The following KCNS2 variants were observed in gnomAD, a reference collection of about 807,000 sequenced individuals.
KCNS2 encodes the protein potassium voltage-gated channel modifier subfamily S member 2, also known as delayed-rectifier potassium channel regulatory subunit KCNS2.
A neutral mutation model predicts 28.3 loss-of-function variants in KCNS2; 15 were observed. That is an observed-to-expected ratio of 0.53 (90% CI 0.35 to 0.82). The LOEUF is 0.82. KCNS2 is among the 40% of genes least tolerant of loss of function. The pLI is 0.01. For missense variants in KCNS2, 501 were observed against 617.1 expected (o/e 0.81, Z 1.99); for synonymous variants, 254 against 256.7 (o/e 0.99, Z 0.10).
rs952906352 is a variant in KCNS2 at position 98,432,759 on chromosome 8, A to T, written c.*3346A>T. 1 of 167,040 alleles carries T rather than the reference A, an allele frequency of 6.0e-6. No individual in the cohort carries two copies. The highest frequency in any genetic ancestry group is 1.5e-5 in the Non-Finnish European group (1 of 68,122). 10.3% of individuals were successfully genotyped at this position (167,040 alleles called of 1,614,324 possible). On this transcript the variant is annotated 3_prime_UTR_variant, in exon 2 of 2. Transcript: ENST00000287042. ...ACAGCATGACTTCTTACAGAGCTGTAATTTTTAAAATTGAGGATGCCATAT... is the reference window on the plus strand; with the variant it reads ...ACAGCATGACTTCTTACAGAGCTGTTATTTTTAAAATTGAGGATGCCATAT...
In KCNS2 at chr8:98,428,534, G is replaced by A. The variant is rs751798846; in HGVS notation, c.555G>A (p.Leu185=). 1 of 1,614,168 alleles carries A rather than the reference G, an allele frequency of 6.2e-7. No individual in the cohort carries two copies. The highest frequency in any genetic ancestry group is 8.5e-7 in the Non-Finnish European group (1 of 1,180,032). Residue 185 remains leucine, a synonymous_variant, in exon 2 of 2, where the codon CTG becomes CTA. Coordinates refer to ENST00000287042, the MANE Select transcript of KCNS2 (RefSeq NM_020697.4). The surrounding 1 kb of genome is among the most constrained non-coding windows in gnomAD (Gnocchi z 6.7). ...LALDNPGYSV[L]SRVFSILSIL... ...TGGACAACCCCGGCTACTCAGTGCT[G>A]AGCAGGGTCTTCAGCATCCTGTCCA...
intron 1 of KCNS2, 92 bp from the exon 2 acceptor site, chr8:98,427,846 C>A: frequency 1.4e-6 from 1 of 695,796 alleles, no homozygotes; most frequent in Non-Finnish European, 2.4e-6. Context: ...CAAGACCCAC[C>A]AGGAGGCCTG....
intron 1 of KCNS2, 190 bp from the exon 2 acceptor site, chr8:98,427,748 G>A: frequency 2.0e-6 from 1 of 492,188 alleles, no homozygotes; most frequent in Non-Finnish European, 3.6e-6. Flanking sequence ...GGGTGGAGCT[G>A]TGCTAATAGA....
rs973219327 is a variant in KCNS2, at chr8:98,430,812, G to A, written c.*1399G>A. On this transcript the variant is annotated 3_prime_UTR_variant, in exon 2 of 2. Transcript: ENST00000287042. ...AGTTCATAAAATGTCATAAAAAATT[G>A]TAAACTTGAAAAGCTTAATGCTATT... is the stretch of plus-strand genomic sequence containing the variant. The A allele has an allele frequency of 6.0e-6, 1 of 167,036 alleles. No individual in the cohort carries two copies. The highest frequency in any genetic ancestry group is 6.5e-5 in the Admixed American group (1 of 15,284). 10.3% of individuals were successfully genotyped at this position (167,036 alleles called of 1,614,324 possible).
At position 98,428,668 on chromosome 8, in the gene KCNS2, T is replaced by C. The variant is rs1346414153; in HGVS notation, c.689T>C (p.Val230Ala). 6.2e-7 allele frequency: 1 copy of C among 1,614,170 alleles called. No homozygotes were observed. The highest frequency in any genetic ancestry group is 8.5e-7 in the Non-Finnish European group (1 of 1,180,034). Residue 230 changes from valine to alanine, a missense_variant, in exon 2 of 2, where the codon GTG (valine) becomes GCG (alanine). By Grantham distance (64) the Val-to-Ala change is moderately conservative. Transcript: ENST00000287042. The surrounding 1 kb of genome is among the most constrained non-coding windows in gnomAD (Gnocchi z 6.7). ...GGCGAGGACCCTAGGTTCGAAATCGTGGAGCACTTTGGCATTGCCTGGTTC... is the reference window on the plus strand; with the variant it reads ...GGCGAGGACCCTAGGTTCGAAATCGCGGAGCACTTTGGCATTGCCTGGTTC... ...NPGEDPRFEI[V>A]EHFGIAWFTF...
In KCNS2 at chr8:98,429,545, C is replaced by A; in HGVS notation, c.*132C>A. 1 of 648,024 alleles carries A rather than the reference C, an allele frequency of 1.5e-6. No homozygotes were observed. The highest frequency in any genetic ancestry group is 2.7e-6 in the Non-Finnish European group (1 of 372,662). The allele number at this position is 648,024 out of a possible 1,614,324, so 40.1% of individuals were successfully genotyped here. A position where few individuals can be genotyped will look rare whatever the true frequency, so the allele number is the denominator to read the frequency against. ...TGAGGGGAGAGATGCATGGGATATG[C>A]ACCCAGGTTTCTTTTACAGTTTTTA... On this transcript the variant is annotated 3_prime_UTR_variant, in exon 2 of 2. Transcript: ENST00000287042.
chr8:98,427,897 G>T lies in KCNS2; in HGVS notation c.-42-41G>T. Reference sequence around the variant, plus strand: ...GGTAGGGAGAGGGGGCCCCGCCAGGGCGCACGGCGCTCTCGCCGACGCTGT... The same window carrying T: ...GGTAGGGAGAGGGGGCCCCGCCAGGTCGCACGGCGCTCTCGCCGACGCTGT... On this transcript the variant is annotated intron_variant, in intron 1 of 1. Coordinates refer to ENST00000287042, the MANE Select transcript of KCNS2 (RefSeq NM_020697.4). 3 of 1,239,394 alleles carry T rather than the reference G, an allele frequency of 2.4e-6. No individual in the cohort carries two copies. In the South Asian group the frequency reaches 4.7e-5, roughly 19 times the overall value. The allele number at this position is 1,239,394 out of a possible 1,614,324, so 76.8% of individuals were successfully genotyped here.
chr8:98,429,962 G>C lies in KCNS2; in HGVS notation c.*549G>C, dbSNP rs1818305379. ...AACAAAGAGAATGCAAAGTTAAGCA[G>C]ACTTGACCAATGCAAGTCTCTAAGT... On this transcript the variant is annotated 3_prime_UTR_variant, in exon 2 of 2. Coordinates refer to ENST00000287042, the MANE Select transcript of KCNS2 (RefSeq NM_020697.4). The C allele has an allele frequency of 6.0e-6, 1 of 167,560 alleles. No individual in the cohort carries two copies. The highest frequency in any genetic ancestry group is 6.5e-5 in the Admixed American group (1 of 15,354). The allele number at this position is 167,560 out of a possible 1,614,324, so 10.4% of individuals were successfully genotyped here.
At position 98,429,222 on chromosome 8, in the gene KCNS2, C is replaced by A. The variant is rs1818293485; in HGVS notation, c.1243C>A (p.His415Asn). 1 of 1,614,056 alleles carries A rather than the reference C, an allele frequency of 6.2e-7. No homozygotes were observed. Among genetic ancestry groups the A allele is most frequent in the Non-Finnish European group, 8.5e-7 (1 of 1,180,038 alleles). Residue 415 changes from histidine to asparagine, a missense_variant, in exon 2 of 2, where the codon CAC becomes AAC. Physicochemically the swap from His to Asn is moderately conservative, Grantham distance 68. Coordinates refer to ENST00000287042, the MANE Select transcript of KCNS2 (RefSeq NM_020697.4). ...CACCTTGATCTTCAATAAGTTCTCC[C>A]ACTTTTACCGGCGCCAAAAGCAACT... Reference protein sequence around the residue: ...PITLIFNKFSHFYRRQKQLES... With the variant: ...PITLIFNKFSNFYRRQKQLES...
rs1694975770 is a variant in KCNS2, at chr8:98,432,073, A to C, written c.*2660A>C. On this transcript the variant is annotated 3_prime_UTR_variant, in exon 2 of 2. Coordinates refer to ENST00000287042, the MANE Select transcript of KCNS2 (RefSeq NM_020697.4). ...TCTTCCTCTCCCCTAAAGTCTCACTAAGGTTTGAAGTTTACAGGTGCTCTC... is the reference window on the plus strand; with the variant it reads ...TCTTCCTCTCCCCTAAAGTCTCACTCAGGTTTGAAGTTTACAGGTGCTCTC... The C allele has an allele frequency of 6.0e-6, 1 of 167,020 alleles. No homozygotes were observed. Among genetic ancestry groups the C allele is most frequent in the Admixed American group, 6.5e-5 (1 of 15,286 alleles). The allele number at this position is 167,020 out of a possible 1,614,324, so 10.3% of individuals were successfully genotyped here.
At position 98,431,907 on chromosome 8, in the gene KCNS2, A is replaced by G. The variant is rs1818339562; in HGVS notation, c.*2494A>G. The G allele has an allele frequency of 6.0e-6, 1 of 167,084 alleles. No individual in the cohort carries two copies. The highest frequency in any genetic ancestry group is 6.5e-5 in the Admixed American group (1 of 15,278). 10.4% of individuals were successfully genotyped at this position (167,084 alleles called of 1,614,324 possible). On this transcript the variant is annotated 3_prime_UTR_variant, in exon 2 of 2. Transcript: ENST00000287042. ...CCAACTGGACCTTTACTCACTTCTG[A>G]GCATGAGAATGTCCCAATAGCATTG...
In KCNS2 at chr8:98,429,841, T is replaced by A; in HGVS notation, c.*428T>A. The A allele has an allele frequency of 5.7e-6, 1 of 175,852 alleles. No individual in the cohort carries two copies. The highest frequency in any genetic ancestry group is 2.0e-4 in the South Asian group (1 of 5,122). The allele number at this position is 175,852 out of a possible 1,614,324, so 10.9% of individuals were successfully genotyped here. On this transcript the variant is annotated 3_prime_UTR_variant, in exon 2 of 2. Coordinates refer to ENST00000287042, the MANE Select transcript of KCNS2 (RefSeq NM_020697.4). ...AAGTCGTCCAGTAGAAATGCATCTATGAGGTCAGCAAGGATATGATGAGAT... is the reference window on the plus strand; with the variant it reads ...AAGTCGTCCAGTAGAAATGCATCTAAGAGGTCAGCAAGGATATGATGAGAT...
Position 98,429,152 on chromosome 8 carries a change from C to T in KCNS2, c.1173C>T (p.Ala391=), listed in dbSNP as rs762794142. The T allele has an allele frequency of 6.2e-7, 1 of 1,613,554 alleles. No individual in the cohort carries two copies. The highest frequency in any genetic ancestry group is 1.1e-5 in the South Asian group (1 of 91,042). The change falls in exon 2 of 2, where the codon GCC becomes GCT. Residue 391 remains alanine, a synonymous_variant. Coordinates refer to ENST00000287042, the MANE Select transcript of KCNS2 (RefSeq NM_020697.4). ...GGACCACGGCAGGAAAGCTGACTGCCTCTGCCTGCATCTTGGCAGGCATCC... is the reference window on the plus strand; with the variant it reads ...GGACCACGGCAGGAAAGCTGACTGCTTCTGCCTGCATCTTGGCAGGCATCC... ...VPGTTAGKLT[A]SACILAGILV...
In KCNS2 at chr8:98,428,037, C is replaced by G; in HGVS notation, c.58C>G (p.Arg20Gly). Residue 20 changes from arginine (R) to glycine (G), a missense_variant, in exon 2 of 2, where the codon CGC (arginine) becomes GGC (glycine). Physicochemically the swap from Arg to Gly is moderately radical, Grantham distance 125. Transcript: ENST00000287042. This position sits in a 1 kb window ranked among gnomAD's most constrained non-coding sequence, Gnocchi z 6.7. ...GGCTAACGTCGAGGACGGGGAGATC[C>G]GCATCAATGTGGGCGGCTTCAAGAG... is the stretch of plus-strand genomic sequence containing the variant. ...SEANVEDGEI[R>G]INVGGFKRRL... 1 of 1,608,718 alleles carries G rather than the reference C, an allele frequency of 6.2e-7. No homozygotes were observed. The highest frequency in any genetic ancestry group is 8.5e-7 in the Non-Finnish European group (1 of 1,177,094).
At position 98,428,420 on chromosome 8, in the gene KCNS2, C is replaced by T. The variant is rs1376061902; in HGVS notation, c.441C>T (p.Ser147=). ...GTGACCAGGAGAGCACCACGTCTTC[C>T]TTCGATGAGATCCTTGCCTTCTACA... ...EQSDQESTTS[S]FDEILAFYND... The change falls in exon 2 of 2, where the codon TCC becomes TCT. Residue 147 remains serine (S), a synonymous_variant. Transcript: ENST00000287042. This position sits in a 1 kb window ranked among gnomAD's most constrained non-coding sequence, Gnocchi z 6.7. 5 of 1,614,174 alleles carry T rather than the reference C, an allele frequency of 3.1e-6. No homozygotes were observed. The highest frequency in any genetic ancestry group is 4.2e-6 in the Non-Finnish European group (5 of 1,180,038).
Position 98,428,413 on chromosome 8 carries a change from C to T in KCNS2, c.434C>T (p.Thr145Met), listed in dbSNP as rs780101812. ...WDEQSDQEST[T>M]SSFDEILAFY... The stretch of plus-strand genomic sequence containing the variant: ...GAGCAGAGTGACCAGGAGAGCACCA[C>T]GTCTTCCTTCGATGAGATCCTTGCC... Residue 145 changes from threonine to methionine, a missense_variant, in exon 2 of 2, where the codon ACG becomes ATG. By Grantham distance (81) the Thr-to-Met change is moderately conservative (BLOSUM62 -1). Transcript: ENST00000287042. The surrounding 1 kb of genome is among the most constrained non-coding windows in gnomAD (Gnocchi z 6.7). 1.2e-6 allele frequency: 2 copies of T among 1,614,176 alleles called. No individual in the cohort carries two copies. The highest frequency in any genetic ancestry group is 2.2e-5 in the East Asian group (1 of 44,862).
At position 98,430,788 on chromosome 8, in the gene KCNS2, G is replaced by C. The variant is rs1371783334; in HGVS notation, c.*1375G>C. ...AGAGTTGTAAAATAAAAAACTGCTAGTTCATAAAATGTCATAAAAAATTGT... is the reference window on the plus strand; with the variant it reads ...AGAGTTGTAAAATAAAAAACTGCTACTTCATAAAATGTCATAAAAAATTGT... On this transcript the variant is annotated 3_prime_UTR_variant, in exon 2 of 2. Transcript: ENST00000287042. 1 of 167,094 alleles carries C rather than the reference G, an allele frequency of 6.0e-6. No individual in the cohort carries two copies. Among genetic ancestry groups the C allele is most frequent in the Non-Finnish European group, 1.5e-5 (1 of 68,130 alleles). 10.4% of individuals were successfully genotyped at this position (167,094 alleles called of 1,614,324 possible).
rs1431557646 is a variant in KCNS2, at chr8:98,429,489, TG to T, written c.*78del. 5 of 1,055,184 alleles carry T rather than the reference TG, an allele frequency of 4.7e-6. No individual in the cohort carries two copies. The highest frequency in any genetic ancestry group is 7.1e-6 in the Non-Finnish European group (5 of 703,980). The allele number at this position is 1,055,184 out of a possible 1,614,324, so 65.4% of individuals were successfully genotyped here. ...CCTCTGGCACAGCCCAGGCACCTTATGGTTATGGTGTAAGGAGTATGCCCAG... is the reference window on the plus strand; with the variant it reads ...CCTCTGGCACAGCCCAGGCACCTTATGTTATGGTGTAAGGAGTATGCCCAG... On this transcript the variant is annotated 3_prime_UTR_variant, in exon 2 of 2. Coordinates refer to ENST00000287042, the MANE Select transcript of KCNS2 (RefSeq NM_020697.4).
chr8:98,428,096 C>T lies in KCNS2; in HGVS notation c.117C>T (p.Pro39=), dbSNP rs749461522. 3 of 1,613,846 alleles carry T rather than the reference C, an allele frequency of 1.9e-6. No individual in the cohort carries two copies. The highest frequency in any genetic ancestry group is 2.5e-6 in the Non-Finnish European group (3 of 1,180,010). The change falls in exon 2 of 2, where the codon CCC becomes CCT. Residue 39 remains proline (P), a synonymous_variant. Transcript: ENST00000287042. The surrounding 1 kb of genome is among the most constrained non-coding windows in gnomAD (Gnocchi z 6.7). ...RLRSHTLLRF[P]ETRLGRLLLC... is the part of the protein sequence containing the mutation. ...GCTCGCACACGCTGCTGCGCTTCCC[C>T]GAGACGCGCCTGGGCCGCTTGCTGC...
Sources: gnomAD v4.1 joint callset for allele counts on GRCh38, gnomAD v4.1.1 for gene constraint, Gnocchi (gnomAD v3.1) non-coding constraint, MANE v1.5 for transcripts, NCBI Gene and HGNC (gene_info 2026-07-23, HGNC 2026-07-21) for gene names.